Variants in CNOT6 observed in about 807,000 individuals in gnomAD.
CNOT6 encodes the protein carbon catabolite repression 4 protein.
CNOT6 carries 12 observed loss-of-function variants against 61.2 expected under a neutral mutation model. That is an observed-to-expected ratio of 0.20 (90% CI 0.13 to 0.32). The LOEUF is 0.32. CNOT6 is among the 10% of genes least tolerant of loss of function. The probability of loss-of-function intolerance (pLI) is 1.00; values close to 1 mark genes in which losing one functional copy is unlikely to be tolerated. For synonymous variants in CNOT6, 225 were observed against 240.6 expected (o/e 0.94, Z 0.60); for missense variants, 405 against 663.9 (o/e 0.61, Z 4.28).
intron 3 of CNOT6, among the ~76,000 whole-genome samples, chr5:180,551,287 G>A (rs1164322633): frequency 6.6e-6 from 1 of 152,170 alleles, no homozygotes; most frequent in African/African-American, 2.4e-5. Flanking sequence ...AGCCCAGGAG[G>A]TTGAGGTTGC....
At chr5:180,499,123 C>T (rs573314883) in intron 1 of CNOT6, among the ~76,000 whole-genome samples, 47 of 152,288 alleles carry the variant, frequency 3.1e-4, no homozygotes, top group African/African-American at 1.1e-3. Context: ...ATGGTGTCTT[C>T]TGAGTCTGTG....
chr5:180,514,636 G>A (rs1401263724), intron 1 of CNOT6, among the ~76,000 whole-genome samples: 1 of 152,210 alleles, frequency 6.6e-6, no homozygotes, highest in African/African-American at 2.4e-5. Context: ...TGTAGTGTGA[G>A]TGCATGGTTT....
intron 1 of CNOT6, among the ~76,000 whole-genome samples, chr5:180,514,315 G>A (rs1295836396): frequency 1.3e-5 from 2 of 152,096 alleles, no homozygotes; most frequent in Non-Finnish European, 2.9e-5. Flanking sequence ...CCATCTACTC[G>A]GGAGGCTGAG....
chr5:180,551,418 A>G (rs1009433056), intron 3 of CNOT6, among the ~76,000 whole-genome samples: 1 of 152,144 alleles, frequency 6.6e-6, no homozygotes, highest in African/African-American at 2.4e-5. Context: ...GTTTATTTTG[A>G]TAGAGATGAG....
At chr5:180,528,352 C>A (rs1561642152) in intron 1 of CNOT6, among the ~76,000 whole-genome samples, 1 of 152,092 alleles carries the variant, frequency 6.6e-6, no homozygotes, top group Non-Finnish European at 1.5e-5. Flanking sequence ...GCTCTGTTGC[C>A]CAGGCTGGAG....
intron 1 of CNOT6, among the ~76,000 whole-genome samples, chr5:180,510,843 C>T (rs1757358356): frequency 6.6e-6 from 1 of 151,844 alleles, no homozygotes; most frequent in Non-Finnish European, 1.5e-5. Context: ...TCGCTCTCGT[C>T]ACCCAGGCTG....
In CNOT6 at chr5:180,495,099, T is replaced by G. The variant is rs1049508417; in HGVS notation, c.-3+336T>G. Among the ~76,000 whole-genome samples, 10 of 152,322 alleles carry G rather than the reference T, an allele frequency of 6.6e-5. No individual in the cohort carries two copies. In the East Asian group the frequency reaches 1.7e-3, roughly 26 times the overall value. On this transcript the variant is annotated intron_variant, in intron 1 of 11. Transcript: ENST00000261951. ...AGGAGGCGAGTCCGTGTCCCGGGAC[T>G]CGTGGCCAAGATGGGTGGCAACTTT...
At chr5:180,517,236 C>T (rs1298825484) in intron 1 of CNOT6, among the ~76,000 whole-genome samples, 2 of 152,166 alleles carry the variant, frequency 1.3e-5, no homozygotes, top group African/African-American at 2.4e-5. Context: ...TTTCCTGGCT[C>T]AGGTGATTCT....
chr5:180,524,426 A>G (rs933988142), intron 1 of CNOT6, among the ~76,000 whole-genome samples: 1 of 151,860 alleles, frequency 6.6e-6, no homozygotes, highest in African/African-American at 2.4e-5. Context: ...CCAATTTGCT[A>G]TGTTTCTTTT....
intron 1 of CNOT6, among the ~76,000 whole-genome samples, chr5:180,506,920 G>C (rs72811148): frequency 0.019 from 2,878 of 152,278 alleles, 37 homozygotes; most frequent in Non-Finnish European, 0.027. Context: ...GAAGAAGCCT[G>C]TGTTACAGAA....
rs141532758 is a variant in CNOT6, at chr5:180,571,326, A to G, written c.1355A>G (p.His452Arg). The G allele has an allele frequency of 2.9e-5, 47 of 1,614,128 alleles. No homozygotes were observed. In the African/African-American group the frequency reaches 4.8e-4, roughly 16 times the overall value. ...YNESLTNFSC[H>R]GKNGTTNGRI... ...GAAAGTCTCACAAACTTCAGCTGTC[A>G]TGGGAAGAATGGAACCACCAATGGA... The change falls in exon 11 of 12, where the codon CAT becomes CGT. Residue 452 changes from histidine (H) to arginine (R), a missense_variant. Transcript: ENST00000261951.
intron 10 of CNOT6, 152 bp from the exon 11 acceptor site, chr5:180,571,078 T>C (rs1311132612): frequency 1.6e-6 from 1 of 622,490 alleles, no homozygotes; most frequent in Admixed American, 2.9e-5. Context: ...GACAACTGTG[T>C]AAAAATAGAT....
At chr5:180,524,096 G>T (rs1368875451) in intron 1 of CNOT6, among the ~76,000 whole-genome samples, 1 of 152,148 alleles carries the variant, frequency 6.6e-6, no homozygotes, top group Admixed American at 6.5e-5. Context: ...GTGATGTCTG[G>T]CATTTGATTG....
chr5:180,529,859 T>C (rs1758272628), intron 2 of CNOT6, among the ~76,000 whole-genome samples: 1 of 152,196 alleles, frequency 6.6e-6, no homozygotes, highest in African/African-American at 2.4e-5. Flanking sequence ...TCTGAGTCAC[T>C]GAGGACAGCC....
chr5:180,544,663 G>C (rs1220521343), intron 2 of CNOT6, among the ~76,000 whole-genome samples: 1 of 152,156 alleles, frequency 6.6e-6, no homozygotes, highest in African/African-American at 2.4e-5. Context: ...ATGGGAAAAG[G>C]AGCTATACAA....
rs982572213 is a variant in CNOT6 at position 180,569,103 on chromosome 5, A to G, written c.1028-7A>G. ...CTCTTTCTTTGTTTCGTTTTTATCT[A>G]ATGTAGCCGGAAAGCCACATCTTGG... On this transcript the variant is annotated splice_region_variant and splice_polypyrimidine_tract_variant and intron_variant, in intron 9 of 11. Coordinates refer to ENST00000261951, the MANE Select transcript of CNOT6 (RefSeq NM_001370472.1). 13 of 1,602,772 alleles carry G rather than the reference A, an allele frequency of 8.1e-6. No homozygotes were observed. The highest frequency in any genetic ancestry group is 1.0e-5 in the Non-Finnish European group (12 of 1,170,492).
At chr5:180,556,863 G>A (rs1392199217) in intron 4 of CNOT6, among the ~76,000 whole-genome samples, 1 of 152,146 alleles carries the variant, frequency 6.6e-6, no homozygotes, top group East Asian at 1.9e-4. Context: ...GACTGAGGTG[G>A]GAGAATAGCG....
intron 4 of CNOT6, among the ~76,000 whole-genome samples, chr5:180,559,425 CCTG>C (rs1379259791): frequency 6.6e-6 from 1 of 152,172 alleles, no homozygotes; most frequent in Non-Finnish European, 1.5e-5. Context: ...TATAACCACT[CCTG>C]CTTTCCTTTG....
chr5:180,513,761 GGC>G (rs1375487999), intron 1 of CNOT6, among the ~76,000 whole-genome samples: 3 of 150,904 alleles, frequency 2.0e-5, no homozygotes, highest in Admixed American at 2.0e-4. Flanking sequence ...GGAGTGCAGT[GGC>G]GCGATCTCAG....
Sources: allele counts gnomAD v4.1 joint callset (sites outside exome capture counted in the v4.1 genomes callset), GRCh38; gene constraint gnomAD v4.1.1; transcripts MANE v1.5; gene names NCBI Gene and HGNC (gene_info 2026-07-23, HGNC 2026-07-21).